Variants in PTPRK observed in about 807,000 individuals in gnomAD.
PTPRK encodes receptor-type tyrosine-protein phosphatase kappa.
PTPRK carries 75 observed loss-of-function variants against 178.0 expected under a neutral mutation model. The ratio of observed to expected loss-of-function variants is 0.42; its 90% CI spans 0.35 to 0.51. The LOEUF (loss-of-function observed/expected upper bound fraction) is 0.51. PTPRK is among the 20% of genes least tolerant of loss of function. The pLI, the probability that PTPRK is intolerant of heterozygous loss-of-function variation, is 0.02. For synonymous variants in PTPRK, 637 were observed against 620.6 expected (o/e 1.03, Z -0.39); for missense variants, 1,441 against 1,797.8 (o/e 0.80, Z 3.59).
chr6:128,370,717 T>C (rs1162379373), intron 2 of PTPRK, among the ~76,000 whole-genome samples: 2 of 152,184 alleles, frequency 1.3e-5, no homozygotes, highest in South Asian at 4.1e-4. Context: ...ACTTTTGTTA[T>C]TACTATTTTT....
Position 128,327,595 on chromosome 6 carries a change from T to C in PTPRK, c.224-5285A>G, listed in dbSNP as rs574607875. Among the ~76,000 whole-genome samples, 26 of 152,282 alleles carry C rather than the reference T, an allele frequency of 1.7e-4. No homozygotes were observed. In the South Asian group the frequency reaches 5.0e-3, roughly 29 times the overall value. The stretch of plus-strand genomic sequence containing the variant: ...TCTGATTCTGGCCCCCAATTATACA[T>C]TGCTTTTGTGCCAATTTTAAATGAT... On this transcript the variant is annotated intron_variant, in intron 2 of 29. Transcript: ENST00000368226.
chr6:127,988,299 CCTT>C (rs1398266298), intron 21 of PTPRK, among the ~76,000 whole-genome samples: 4 of 143,360 alleles, frequency 2.8e-5, no homozygotes, highest in East Asian at 4.0e-4. Context: ...ATTATGCTAA[CCTT>C]TTTTTTTTTT....
intron 3 of PTPRK, among the ~76,000 whole-genome samples, chr6:128,275,402 T>A (rs1432584365): frequency 6.6e-6 from 1 of 152,080 alleles, no homozygotes; most frequent in Non-Finnish European, 1.5e-5. Flanking sequence ...TTTATCTATT[T>A]ATAACCAACC....
chr6:128,243,068 T>C (rs984576193), intron 3 of PTPRK, among the ~76,000 whole-genome samples: 3 of 152,122 alleles, frequency 2.0e-5, no homozygotes. Context: ...CAACAGATTA[T>C]TGATGTTCCA....
intron 6 of PTPRK, among the ~76,000 whole-genome samples, chr6:128,205,845 A>C (rs375279384): frequency 1.3e-5 from 2 of 151,318 alleles, no homozygotes; most frequent in African/African-American, 4.8e-5. Flanking sequence ...AAATGTCCCT[A>C]GGGACATGCC....
intron 5 of PTPRK, among the ~76,000 whole-genome samples, chr6:128,222,184 C>A (rs536152349): frequency 6.6e-6 from 1 of 152,200 alleles, no homozygotes; most frequent in Non-Finnish European, 1.5e-5. Flanking sequence ...TTTCAAAACC[C>A]TTCTCTTGTG....
intron 3 of PTPRK, among the ~76,000 whole-genome samples, chr6:128,292,119 T>C (rs934610104): frequency 6.6e-6 from 1 of 152,106 alleles, no homozygotes; most frequent in Non-Finnish European, 1.5e-5. Context: ...ATCAATAAGA[T>C]AGATTACTAT....
intron 7 of PTPRK, among the ~76,000 whole-genome samples, chr6:128,154,044 A>G (rs1797646238): frequency 6.6e-6 from 1 of 151,882 alleles, no homozygotes; most frequent in Non-Finnish European, 1.5e-5. Flanking sequence ...ATTTCTGATT[A>G]GAGCAGGCCA....
intron 3 of PTPRK, among the ~76,000 whole-genome samples, chr6:128,299,737 A>G (rs1825222223): frequency 6.6e-6 from 1 of 152,180 alleles, no homozygotes; most frequent in South Asian, 2.1e-4. Flanking sequence ...TGGATTAAAG[A>G]CTTAAACGTT....
At chr6:128,196,962 C>T (rs1319485376) in intron 6 of PTPRK, among the ~76,000 whole-genome samples, 1 of 152,038 alleles carries the variant, frequency 6.6e-6, no homozygotes, top group Non-Finnish European at 1.5e-5. Context: ...AATATTACCT[C>T]AATCAGTGGA....
At chr6:128,115,269 CT>C (rs1336329135) in intron 7 of PTPRK, among the ~76,000 whole-genome samples, 1 of 152,144 alleles carries the variant, frequency 6.6e-6, no homozygotes, top group Non-Finnish European at 1.5e-5. Flanking sequence ...CTAGGATCCT[CT>C]GGCTCATACA....
chr6:128,477,149 G>A (rs1851470746), intron 1 of PTPRK, among the ~76,000 whole-genome samples: 1 of 152,000 alleles, frequency 6.6e-6, no homozygotes, highest in Non-Finnish European at 1.5e-5. Flanking sequence ...GGCAAATAAA[G>A]CAAGCTAATT....
intron 1 of PTPRK, among the ~76,000 whole-genome samples, chr6:128,399,419 C>A (rs1840740223): frequency 6.6e-6 from 1 of 152,098 alleles, no homozygotes; most frequent in African/African-American, 2.4e-5. Flanking sequence ...TATAAAACAA[C>A]CAAACTCGAG....
Position 128,147,373 on chromosome 6 carries a change from C to T in PTPRK, c.1162+37059G>A, listed in dbSNP as rs547115611. 2.0e-5 allele frequency among the ~76,000 whole-genome samples: 3 copies of T among 152,196 alleles called. No homozygotes were observed. In the South Asian group the frequency reaches 6.2e-4, roughly 32 times the overall value. ...TGGTTTCAGAAAAACTATTAATCAT[C>T]CTTTGGTACTAAATAGCAAAACTTT... On this transcript the variant is annotated intron_variant, in intron 7 of 29. Coordinates refer to ENST00000368226, the MANE Select transcript of PTPRK (RefSeq NM_002844.4).
intron 21 of PTPRK, among the ~76,000 whole-genome samples, chr6:127,987,183 T>C (rs573209625): frequency 1.3e-5 from 2 of 152,132 alleles, no homozygotes; most frequent in East Asian, 3.9e-4. Flanking sequence ...TGTCAGCACC[T>C]ATTCCCTGAT....
At chr6:128,079,616 G>A (rs997649901) in intron 10 of PTPRK, among the ~76,000 whole-genome samples, 1 of 152,046 alleles carries the variant, frequency 6.6e-6, no homozygotes, top group African/African-American at 2.4e-5. Flanking sequence ...GTAGAAAGCT[G>A]TTTAAGGAGT....
rs146438569 is a variant in PTPRK at position 128,514,370 on chromosome 6, ATGTGTGTGTG to A, written c.100+5879_100+5888del. Among the ~76,000 whole-genome samples the A allele has an allele frequency of 1.3e-3, 191 of 148,378 alleles. 1 individual carries two copies. The highest frequency in any genetic ancestry group is 5.6e-3 in the South Asian group (26 of 4,658). Reference sequence around the variant, plus strand: ...ACAACTAAGTCCTAGCATTGTTAAGATGTGTGTGTGTGTGTGTGTGTGTGTGTGTGTATTC... The same window carrying A: ...ACAACTAAGTCCTAGCATTGTTAAGATGTGTGTGTGTGTGTGTGTGTATTC... On this transcript the variant is annotated intron_variant, in intron 1 of 29. Transcript: ENST00000368226.
chr6:128,182,657 T>C (rs1237284541), intron 7 of PTPRK, among the ~76,000 whole-genome samples: 4 of 152,150 alleles, frequency 2.6e-5, no homozygotes, highest in Admixed American at 6.6e-5. Context: ...AAGCACTTTA[T>C]AGTAATATTT....
At chr6:128,343,287 G>A (rs938405586) in intron 2 of PTPRK, among the ~76,000 whole-genome samples, 3 of 152,038 alleles carry the variant, frequency 2.0e-5, no homozygotes, top group Non-Finnish European at 4.4e-5. Context: ...ATCACCTGAG[G>A]TCAGGAGTTC....
Sources: gnomAD v4.1 joint callset for allele counts (sites outside exome capture counted in the v4.1 genomes callset) on GRCh38, gnomAD v4.1.1 for gene constraint, MANE v1.5 for transcripts, NCBI Gene and HGNC (gene_info 2026-07-23, HGNC 2026-07-21) for gene names.